KATNIP: variants seen among roughly 807,000 people sequenced by gnomAD.
KATNIP encodes katanin-interacting protein.
KATNIP carries 126 observed loss-of-function variants against 174.0 expected under a neutral mutation model. That is an observed-to-expected ratio of 0.72 (90% CI 0.63 to 0.84). KATNIP has a LOEUF of 0.84. KATNIP is among the 40% of genes least tolerant of loss of function. The pLI is 0.00. For missense variants in KATNIP, 1,958 were observed against 2,109.7 expected, an observed-to-expected ratio of 0.93 and a Z score of 1.41; for synonymous variants, 810 against 835.7, an observed-to-expected ratio of 0.97 and a Z score of 0.53.
intron 2 of KATNIP, among the ~76,000 whole-genome samples, chr16:27,576,821 A>G (rs986397578): frequency 6.6e-6 from 1 of 152,166 alleles, no homozygotes; most frequent in African/African-American, 2.4e-5. Flanking sequence ...ATGAAAGGCA[A>G]GGAGAAGACC....
chr16:27,760,533 T>C (rs543602601), intron 18 of KATNIP, among the ~76,000 whole-genome samples: 1 of 152,308 alleles, frequency 6.6e-6, no homozygotes, highest in South Asian at 2.1e-4. Context: ...TCACTTCCTT[T>C]ACTCTGAGCC....
At chr16:27,679,355 T>C (rs2078241697) in intron 7 of KATNIP, among the ~76,000 whole-genome samples, 1 of 152,200 alleles carries the variant, frequency 6.6e-6, no homozygotes, top group Non-Finnish European at 1.5e-5. Context: ...AGAAGTTATA[T>C]TGGATTAGGG....
chr16:27,616,230 G>T (rs2076031606), intron 2 of KATNIP, among the ~76,000 whole-genome samples: 1 of 152,060 alleles, frequency 6.6e-6, no homozygotes, highest in Admixed American at 6.6e-5. Context: ...AAATTAGCTG[G>T]GTGTGGTGGC....
chr16:27,572,765 C>A (rs1438175797), intron 1 of KATNIP, among the ~76,000 whole-genome samples: 4 of 152,138 alleles, frequency 2.6e-5, no homozygotes, highest in African/African-American at 9.7e-5. Flanking sequence ...ACCAGATAAA[C>A]CAAAAGATGT....
chr16:27,618,533 T>A, intron 3 of KATNIP, 32 bp downstream of exon 3: 1 of 1,474,606 alleles, frequency 6.8e-7, no homozygotes. Flanking sequence ...CAGCCCTTGA[T>A]ATTAGCGAAG....
At chr16:27,560,519 G>A (rs549029758) in intron 1 of KATNIP, among the ~76,000 whole-genome samples, 30 of 152,194 alleles carry the variant, frequency 2.0e-4, no homozygotes, top group Middle Eastern at 6.8e-3. Flanking sequence ...TCCTTTGCAG[G>A]CATCTGAGAT....
intron 18 of KATNIP, among the ~76,000 whole-genome samples, chr16:27,758,916 G>A (rs1197332361): frequency 6.6e-6 from 1 of 152,190 alleles, no homozygotes; most frequent in Non-Finnish European, 1.5e-5. Context: ...CTTGAGTTCA[G>A]AGATTGTGCT....
intron 13 of KATNIP, among the ~76,000 whole-genome samples, chr16:27,719,685 T>C (rs1164221019): frequency 1.4e-5 from 2 of 147,450 alleles, no homozygotes; most frequent in African/African-American, 5.1e-5. Context: ...CCAGCCCTTA[T>C]TTCTTTTTTT....
chr16:27,740,824 C>A lies in KATNIP; in HGVS notation c.2527C>A (p.Gln843Lys), dbSNP rs1162239163. ...VHSDDSDIFNQPPNRERPASG... is the reference protein window; with the variant it reads ...VHSDDSDIFNKPPNRERPASG... Reference sequence around the variant, plus strand: ...CAGTGATGACTCAGACATCTTTAACCAGCCCCCCAACAGAGAGCGCCCTGC... The same window carrying A: ...CAGTGATGACTCAGACATCTTTAACAAGCCCCCCAACAGAGAGCGCCCTGC... The change falls in exon 15 of 28, where the codon CAG becomes AAG. Residue 843 changes from glutamine to lysine, a missense_variant. Gln to Lys is a moderately conservative substitution (Grantham distance 53, BLOSUM62 1). This residue lies in a region of KATNIP where 1,557 missense variants were observed against 1,617.8 expected (regional missense o/e 0.96). Transcript: ENST00000261588. 1.2e-6 allele frequency: 2 copies of A among 1,613,710 alleles called. No individual in the cohort carries two copies. Among genetic ancestry groups the A allele is most frequent in the Non-Finnish European group, 1.7e-6 (2 of 1,179,858 alleles).
At chr16:27,727,044 G>A (rs1283563372) in intron 14 of KATNIP, among the ~76,000 whole-genome samples, 2 of 152,212 alleles carry the variant, frequency 1.3e-5, no homozygotes, top group Middle Eastern at 3.2e-3. Context: ...AGCTTTATCT[G>A]AAAAATGGGA....
chr16:27,580,729 A>G (rs973876895), intron 2 of KATNIP, among the ~76,000 whole-genome samples: 1 of 142,790 alleles, frequency 7.0e-6, no homozygotes, highest in African/African-American at 2.6e-5. Flanking sequence ...ATTTAACAAC[A>G]TGTCTTGGAG....
chr16:27,734,395 T>TA (rs34449454), intron 14 of KATNIP, among the ~76,000 whole-genome samples: 5,874 of 113,726 alleles, frequency 0.052, 163 homozygotes, highest in Middle Eastern at 0.074. Flanking sequence ...GGGACTTATT[T>TA]AAAAAAAAAA....
At chr16:27,728,045 T>G (rs958357160) in intron 14 of KATNIP, among the ~76,000 whole-genome samples, 1 of 151,676 alleles carries the variant, frequency 6.6e-6, no homozygotes, top group South Asian at 2.1e-4. Flanking sequence ...AGACCAAACA[T>G]GTCAATGACT....
At chr16:27,736,622 C>T (rs922513053) in intron 14 of KATNIP, among the ~76,000 whole-genome samples, 1 of 152,134 alleles carries the variant, frequency 6.6e-6, no homozygotes, top group Non-Finnish European at 1.5e-5. Flanking sequence ...ATCAAGGAAT[C>T]GAGGCAAGCG....
intron 2 of KATNIP, among the ~76,000 whole-genome samples, chr16:27,584,347 A>G (rs1040943437): frequency 2.6e-5 from 4 of 151,914 alleles, no homozygotes; most frequent in African/African-American, 9.7e-5. Flanking sequence ...GGTGGGGTCA[A>G]CCCTACGTAA....
intron 2 of KATNIP, among the ~76,000 whole-genome samples, chr16:27,591,940 G>A (rs565454268): frequency 2.0e-5 from 3 of 151,968 alleles, no homozygotes; most frequent in African/African-American, 4.8e-5. Context: ...TGCTCTATCC[G>A]TAACCTGAAG....
At chr16:27,731,288 G>A (rs1030270370) in intron 14 of KATNIP, among the ~76,000 whole-genome samples, 2 of 152,232 alleles carry the variant, frequency 1.3e-5, no homozygotes, top group Admixed American at 1.3e-4. Context: ...CAGGGGGATT[G>A]CCGCACTGGG....
intron 5 of KATNIP, among the ~76,000 whole-genome samples, chr16:27,647,328 T>G (rs2076985231): frequency 6.6e-6 from 1 of 151,808 alleles, no homozygotes; most frequent in Non-Finnish European, 1.5e-5. Flanking sequence ...CAAACAAGTC[T>G]AATCACAAAG....
intron 14 of KATNIP, among the ~76,000 whole-genome samples, chr16:27,739,027 C>T (rs2081003500): frequency 6.6e-6 from 1 of 151,754 alleles, no homozygotes; most frequent in Non-Finnish European, 1.5e-5. Context: ...AAACTCACTG[C>T]TGCATAGAAA....
Sources: gnomAD v4.1 joint callset for allele counts (sites outside exome capture counted in the v4.1 genomes callset) on GRCh38, gnomAD v4.1.1 for gene constraint, gnomAD v4.1.1 regional missense constraint, MANE v1.5 for transcripts, NCBI Gene and HGNC (gene_info 2026-07-23, HGNC 2026-07-21) for gene names.